Variants in TIPARP observed in about 807,000 individuals in gnomAD.
TIPARP encodes TCDD inducible poly(ADP-ribose) polymerase.
In TIPARP, 12 loss-of-function variants were observed where a neutral mutation model predicts 56.5. The observed-to-expected ratio is 0.21, with a 90% CI of 0.14 to 0.34. The LOEUF (loss-of-function observed/expected upper bound fraction) is 0.34, where lower values mean the gene tolerates loss of function less well. Ranked by LOEUF, TIPARP falls within the 10% of genes least tolerant of loss-of-function variation. The pLI is 1.00. For synonymous variants in TIPARP, 296 were observed against 265.7 expected (o/e 1.11, Z -1.11); for missense variants, 604 against 781.6 (o/e 0.77, Z 2.71).
rs568229130 is a variant in TIPARP at position 156,681,727 on chromosome 3, A to G, written c.917+3113A>G. Among the ~76,000 whole-genome samples the G allele has an allele frequency of 1.3e-5, 2 of 152,176 alleles. 1 individual carries two copies. The highest frequency in any genetic ancestry group is 4.1e-4 in the South Asian group (2 of 4,824). On this transcript the variant is annotated intron_variant, in intron 2 of 5. Transcript: ENST00000295924. ...AATACATGCTTATTTGTTCCTTGTA[A>G]TGAAATTATGATGTAATCCCACTTT...
At chr3:156,677,031 C>T (rs989347141) in intron 1 of TIPARP, among the ~76,000 whole-genome samples, 1 of 152,160 alleles carries the variant, frequency 6.6e-6, no homozygotes, top group African/African-American at 2.4e-5. Flanking sequence ...AAAGTAGACT[C>T]TTAACATTCT....
At chr3:156,676,158 A>G (rs760343944) in intron 1 of TIPARP, among the ~76,000 whole-genome samples, 21 of 152,366 alleles carry the variant, frequency 1.4e-4, no homozygotes, top group South Asian at 2.1e-4. Flanking sequence ...CCTTGAGGCA[A>G]TAACACCAAA....
At chr3:156,694,457 A>C (rs2108494427) in intron 3 of TIPARP, among the ~76,000 whole-genome samples, 1 of 152,328 alleles carries the variant, frequency 6.6e-6, no homozygotes, top group South Asian at 2.1e-4. Flanking sequence ...CATTATAGAG[A>C]TGAAATATTT....
chr3:156,690,712 G>C (rs1046376587), intron 2 of TIPARP, among the ~76,000 whole-genome samples: 2 of 152,098 alleles, frequency 1.3e-5, no homozygotes, highest in East Asian at 1.9e-4. Context: ...AATACTGATG[G>C]ATTTAGCCAT....
At chr3:156,692,746 TTGTC>T (rs1220536256) in intron 2 of TIPARP, among the ~76,000 whole-genome samples, 1 of 152,170 alleles carries the variant, frequency 6.6e-6, no homozygotes, top group Non-Finnish European at 1.5e-5. Context: ...TTTCAAATAT[TTGTC>T]TGCAGAATCT....
chr3:156,696,143 A>G (rs1722710310), intron 4 of TIPARP, 118 bp downstream of exon 4: 6 of 1,070,864 alleles, frequency 5.6e-6, no homozygotes. Context: ...AGAATGTGAA[A>G]TTCCAAATTA....
intron 2 of TIPARP, 112 bp from the exon 3 acceptor site, chr3:156,693,908 C>G: frequency 8.3e-7 from 1 of 1,207,892 alleles, no homozygotes; most frequent in South Asian, 1.9e-5. Flanking sequence ...TTTGAAAATT[C>G]TACAACAGGC....
At chr3:156,702,146 C>CT (rs1454519699) in intron 4 of TIPARP, among the ~76,000 whole-genome samples, 1 of 151,088 alleles carries the variant, frequency 6.6e-6, no homozygotes, top group African/African-American at 2.4e-5. Flanking sequence ...CTGTCGATCA[C>CT]TTTCTAGCCT....
At position 156,697,563 on chromosome 3, in the gene TIPARP, T is replaced by C. The variant is rs75815187; in HGVS notation, c.1247+1538T>C. On this transcript the variant is annotated intron_variant, in intron 4 of 5. Transcript: ENST00000295924. ...TGTTTTATGGTGCTTTGCTTTATTG[T>C]ACTTCACAGATAATTGTGTTTTTTA... Among the ~76,000 whole-genome samples the C allele has an allele frequency of 3.5e-3, 537 of 152,286 alleles. 1 individual carries two copies. Among genetic ancestry groups the C allele is most frequent in the African/African-American group, 0.013 (523 of 41,570 alleles).
chr3:156,687,036 CAG>C (rs1722448244), intron 2 of TIPARP, among the ~76,000 whole-genome samples: 2 of 152,134 alleles, frequency 1.3e-5, no homozygotes, highest in African/African-American at 4.8e-5. Flanking sequence ...TTTTTCTTAA[CAG>C]AGGGGATATC....
At chr3:156,691,660 G>GA (rs922125872) in intron 2 of TIPARP, among the ~76,000 whole-genome samples, 2 of 152,058 alleles carry the variant, frequency 1.3e-5, no homozygotes, top group Non-Finnish European at 2.9e-5. Context: ...AGATTGTGGA[G>GA]AAAAAAACCT....
At chr3:156,678,899 T>C (rs1161158621) in intron 2 of TIPARP, among the ~76,000 whole-genome samples, 1 of 152,222 alleles carries the variant, frequency 6.6e-6, no homozygotes, top group Non-Finnish European at 1.5e-5. Flanking sequence ...AATACTGTTT[T>C]AATCACCCAA....
chr3:156,701,565 C>T (rs1010283417), intron 4 of TIPARP, among the ~76,000 whole-genome samples: 3 of 152,152 alleles, frequency 2.0e-5, no homozygotes, highest in Non-Finnish European at 4.4e-5. Flanking sequence ...TTCTTTGCTT[C>T]CCCGCCATTC....
Position 156,681,340 on chromosome 3 carries a change from A to G in TIPARP, c.917+2726A>G, listed in dbSNP as rs1722298510. On this transcript the variant is annotated intron_variant, in intron 2 of 5. Transcript: ENST00000295924. Reference sequence around the variant, plus strand: ...GTTGGAACCAGCAGTCTTTGGATTCAGAAATAATGAATGGCAGTTGTTTAT... The same window carrying G: ...GTTGGAACCAGCAGTCTTTGGATTCGGAAATAATGAATGGCAGTTGTTTAT... Among the ~76,000 whole-genome samples, 4 of 152,236 alleles carry G rather than the reference A, an allele frequency of 2.6e-5. No individual in the cohort carries two copies. In the South Asian group the frequency reaches 8.3e-4, roughly 31 times the overall value.
rs1331911830 is a variant in TIPARP, at chr3:156,677,903, T to C, written c.206T>C (p.Leu69Pro). The C allele has an allele frequency of 6.2e-7, 1 of 1,614,006 alleles. No homozygotes were observed. The highest frequency in any genetic ancestry group is 8.5e-7 in the Non-Finnish European group (1 of 1,180,024). Residue 69 changes from leucine (L) to proline (P), a missense_variant, in exon 2 of 6, where the codon CTT becomes CCT. Coordinates refer to ENST00000295924, the MANE Select transcript of TIPARP (RefSeq NM_015508.5). ...AACACTCTTCTAGAATCTGGCTCAC[T>C]TGATGGGGTTTTTAGATCTAGGAAC... ...ILNTLLESGS[L>P]DGVFRSRNQS... is the part of the protein sequence containing the mutation.
At position 156,705,881 on chromosome 3, in the gene TIPARP, TATC is replaced by T. The variant is rs1428667708; in HGVS notation, c.*754_*756del. The T allele has an allele frequency of 3.3e-5, 5 of 152,784 alleles. No homozygotes were observed. Among genetic ancestry groups the T allele is most frequent in the Non-Finnish European group, 7.3e-5 (5 of 68,044 alleles). 9.5% of individuals were successfully genotyped at this position (152,784 alleles called of 1,614,324 possible). A position where few individuals can be genotyped will look rare whatever the true frequency, so the allele number is the denominator to read the frequency against. ...CTTTGGAAAACTCAGTCTCTTTCAT[TATC>T]ATCCATTCCAATTTGAAGGAGTTGG... is the stretch of plus-strand genomic sequence containing the variant. On this transcript the variant is annotated 3_prime_UTR_variant, in exon 6 of 6. Coordinates refer to ENST00000295924, the MANE Select transcript of TIPARP (RefSeq NM_015508.5).
At chr3:156,685,174 T>G (rs1409230473) in intron 2 of TIPARP, among the ~76,000 whole-genome samples, 1 of 152,236 alleles carries the variant, frequency 6.6e-6, no homozygotes, top group Non-Finnish European at 1.5e-5. Flanking sequence ...CTTCCAATTT[T>G]CCTTGCTGAC....
chr3:156,688,410 TA>T (rs144859641), intron 2 of TIPARP, among the ~76,000 whole-genome samples: 48,474 of 128,712 alleles, frequency 0.38, 9,076 homozygotes, highest in Middle Eastern at 0.47. Flanking sequence ...GAAAGAAAAA[TA>T]AATTTAATCT....
chr3:156,678,636 T>C, intron 2 of TIPARP, 22 bp downstream of exon 2: 1 of 1,589,874 alleles, frequency 6.3e-7, no homozygotes, highest in Non-Finnish European at 8.6e-7. Context: ...TAACAACTTG[T>C]AGAACTGTTG....
Sources: gnomAD v4.1 joint callset for allele counts (sites outside exome capture counted in the v4.1 genomes callset) on GRCh38, gnomAD v4.1.1 for gene constraint, MANE v1.5 for transcripts, NCBI Gene and HGNC (gene_info 2026-07-23, HGNC 2026-07-21) for gene names.